Variants in CDH11 observed in about 807,000 individuals in gnomAD.
CDH11 encodes cadherin 11.
In CDH11, 11 loss-of-function variants were observed where a neutral mutation model predicts 67.8. The ratio of observed to expected loss-of-function variants is 0.16; its 90% CI spans 0.10 to 0.27. The LOEUF is 0.27. Among genes scored for constraint, CDH11 ranks in the 10% least tolerant of loss-of-function variants. The probability of loss-of-function intolerance (pLI) is 1.00; values close to 1 mark genes in which losing one functional copy is unlikely to be tolerated. For missense variants in CDH11, 847 were observed against 1,031.2 expected, an observed-to-expected ratio of 0.82 and a Z score of 2.45; for synonymous variants, 419 against 400.0, an observed-to-expected ratio of 1.05 and a Z score of -0.57.
rs2071220631 is a variant in CDH11 at position 64,947,357 on chromosome 16, C to T, written c.*246G>A. On this transcript the variant is annotated 3_prime_UTR_variant, in exon 13 of 13. Transcript: ENST00000268603. ...CTCCTTCACTTAAATATTTTGTATG[C>T]CAAGTGTTTTTTTTTTCTAGCGAAG... 1 of 1,268,052 alleles carries T rather than the reference C, an allele frequency of 7.9e-7. No homozygotes were observed. Among genetic ancestry groups the T allele is most frequent in the Non-Finnish European group, 9.9e-7 (1 of 1,005,146 alleles). 78.6% of individuals were successfully genotyped at this position (1,268,052 alleles called of 1,614,324 possible).
chr16:65,096,519 T>A (rs1472636243), intron 1 of CDH11, among the ~76,000 whole-genome samples: 1 of 150,534 alleles, frequency 6.6e-6, no homozygotes, highest in East Asian at 2.0e-4. Flanking sequence ...ATATGCATAT[T>A]TGTACATATA....
In CDH11 at chr16:65,013,554, A is replaced by C. The variant is rs560100707; in HGVS notation, c.-172-8513T>G. ...AAATGGGAAAAACCCAGCCGGGCGC[A>C]GTGGCTCACACCTGTAATCCAGCAC... On this transcript the variant is annotated intron_variant, in intron 2 of 12. Transcript: ENST00000268603. Among the ~76,000 whole-genome samples, 3 of 152,286 alleles carry C rather than the reference A, an allele frequency of 2.0e-5. 1 individual carries two copies. Among genetic ancestry groups the C allele is most frequent in the African/African-American group, 7.2e-5 (3 of 41,562 alleles).
At chr16:65,005,530 C>T (rs1281874228) in intron 2 of CDH11, among the ~76,000 whole-genome samples, 2 of 152,082 alleles carry the variant, frequency 1.3e-5, no homozygotes, top group Non-Finnish European at 2.9e-5. Context: ...CAGTGTGCTC[C>T]AAGATGTTCA....
chr16:65,097,456 T>TGGGTCGGATGA (rs2074918471), intron 1 of CDH11, among the ~76,000 whole-genome samples: 1 of 152,248 alleles, frequency 6.6e-6, no homozygotes. Context: ...ATTGGCACTT[T>TGGGTCGGATGA]GGGTCGGATG....
intron 6 of CDH11, 157 bp downstream of exon 6, chr16:64,991,611 T>C (rs1416813042): frequency 1.7e-5 from 9 of 539,704 alleles, no homozygotes; most frequent in Middle Eastern, 5.0e-4. Context: ...GTTGTTGTTG[T>C]CTTGTTTTTG....
intron 6 of CDH11, among the ~76,000 whole-genome samples, chr16:64,989,295 T>C (rs2072570329): frequency 6.6e-6 from 1 of 151,938 alleles, no homozygotes. Context: ...TGTAAGAGTG[T>C]GAGTGTGTGT....
intron 10 of CDH11, 75 bp downstream of exon 10, chr16:64,971,856 C>T (rs1567498896): frequency 1.3e-6 from 2 of 1,536,930 alleles, no homozygotes; most frequent in Non-Finnish European, 1.8e-6. Context: ...TTGGTATCTC[C>T]AAGTGATGGT....
At chr16:65,033,540 C>T (rs12447201) in intron 2 of CDH11, among the ~76,000 whole-genome samples, 37,891 of 151,680 alleles carry the variant, frequency 0.25, 5,813 homozygotes, top group Middle Eastern at 0.35. Context: ...GGAGACAGGC[C>T]ATCCTGGCCA....
upstream of CDH11, chr16:65,122,148 G>GGGGGGGGT: frequency 6.2e-6 from 2 of 323,844 alleles, no homozygotes; most frequent in Non-Finnish European, 1.2e-5. Flanking sequence ...GGGGGGGCGG[G>GGGGGGGGT]AGGAGGGAGG....
At chr16:65,107,162 A>G (rs1404792778) in intron 1 of CDH11, among the ~76,000 whole-genome samples, 1 of 152,134 alleles carries the variant, frequency 6.6e-6, no homozygotes, top group East Asian at 1.9e-4. Context: ...CTGTCTCCCT[A>G]TAACAGAGCA....
chr16:64,963,220 A>G (rs375248455), intron 11 of CDH11, among the ~76,000 whole-genome samples: 82 of 152,344 alleles, frequency 5.4e-4, no homozygotes, highest in African/African-American at 1.9e-3. Flanking sequence ...ACAACATTCA[A>G]GAACAGATGG....
In CDH11 at chr16:64,945,528, A is replaced by T; in HGVS notation, c.*2075T>A. 9.7e-7 allele frequency: 1 copy of T among 1,032,244 alleles called. No individual in the cohort carries two copies. Among genetic ancestry groups the T allele is most frequent in the South Asian group, 4.6e-5 (1 of 21,702 alleles). 63.9% of individuals were successfully genotyped at this position (1,032,244 alleles called of 1,614,324 possible). A position where few individuals can be genotyped will look rare whatever the true frequency, so the allele number is the denominator to read the frequency against. ...CTTTTGAGTTATTTCTTCATTGCAA[A>T]TTCAATTGGAGATCTGTGCAAATCT... On this transcript the variant is annotated 3_prime_UTR_variant, in exon 13 of 13. Coordinates refer to ENST00000268603, the MANE Select transcript of CDH11 (RefSeq NM_001797.4).
chr16:64,951,075 G>A, intron 11 of CDH11, 57 bp from the exon 12 acceptor site: 27 of 1,560,274 alleles, frequency 1.7e-5, no homozygotes, highest in South Asian at 3.5e-5. Flanking sequence ...GAATCACAGC[G>A]GCTCTCTGCT....
chr16:64,996,255 C>T (rs886277877), intron 4 of CDH11, among the ~76,000 whole-genome samples: 4 of 151,964 alleles, frequency 2.6e-5, no homozygotes, highest in Non-Finnish European at 5.9e-5. Flanking sequence ...TTTGGGAGGA[C>T]GAGGTGAGCA....
intron 2 of CDH11, among the ~76,000 whole-genome samples, chr16:65,015,015 TTTATTATTATTATTA>T (rs71143548): frequency 2.5e-4 from 34 of 135,860 alleles, no homozygotes; most frequent in Non-Finnish European, 4.3e-4. Flanking sequence ...GCCTGGCTAA[TTTATTATTATTATTA>T]TTATTATTAT....
intron 11 of CDH11, among the ~76,000 whole-genome samples, chr16:64,952,712 C>G (rs1208346318): frequency 6.6e-6 from 1 of 151,884 alleles, no homozygotes; most frequent in African/African-American, 2.4e-5. Context: ...GTATGGTCTG[C>G]CTCTGTTTGT....
chr16:64,950,014 G>A lies in CDH11; in HGVS notation c.1894+753C>T, dbSNP rs1475383377. On this transcript the variant is annotated intron_variant, in intron 12 of 12. Transcript: ENST00000268603. ...ACCAAGCATCATGGCAAAAGTGTAG[G>A]TTTGGTGTCAGACATGCATAGGTTT... is the stretch of plus-strand genomic sequence containing the variant. Among the ~76,000 whole-genome samples the A allele has an allele frequency of 2.0e-5, 3 of 152,064 alleles. No individual in the cohort carries two copies. In the East Asian group the frequency reaches 5.8e-4, roughly 29 times the overall value.
chr16:64,975,242 C>T (rs74026214), intron 8 of CDH11, among the ~76,000 whole-genome samples: 2,023 of 152,278 alleles, frequency 0.013, 44 homozygotes, highest in African/African-American at 0.046. Flanking sequence ...GTTGATGCTG[C>T]TGTTACACAC....
At chr16:65,032,664 G>C (rs2073667551) in intron 2 of CDH11, among the ~76,000 whole-genome samples, 1 of 152,152 alleles carries the variant, frequency 6.6e-6, no homozygotes, top group Admixed American at 6.5e-5. Flanking sequence ...ATATAACAGA[G>C]GTAGTGCCTT....
Sources: allele counts gnomAD v4.1 joint callset (sites outside exome capture counted in the v4.1 genomes callset), GRCh38; gene constraint gnomAD v4.1.1; transcripts MANE v1.5; gene names NCBI Gene and HGNC (gene_info 2026-07-23, HGNC 2026-07-21).